The following C22orf23 variants were observed in gnomAD, a reference collection of about 807,000 sequenced individuals.
C22orf23 encodes the protein chromosome 22 open reading frame 23, also known as UPF0193 protein EVG1.
In C22orf23, 30 loss-of-function variants were observed where a neutral mutation model predicts 29.7. That is an observed-to-expected ratio of 1.01 (90% CI 0.76 to 1.37). The LOEUF (loss-of-function observed/expected upper bound fraction) is 1.37, where lower values mean the gene tolerates loss of function less well. Ranked by LOEUF, C22orf23 falls within the 40% of genes most tolerant of loss-of-function variation. C22orf23 has a pLI of 0.00. For missense variants in C22orf23, 237 were observed against 273.1 expected, an observed-to-expected ratio of 0.87 and a Z score of 0.93; for synonymous variants, 90 against 96.1, an observed-to-expected ratio of 0.94 and a Z score of 0.37.
At chr22:37,950,887 C>CAG (rs1176080734) in intron 3 of C22orf23, 3 of 152,280 alleles carry the variant, frequency 2.0e-5, no homozygotes, top group Middle Eastern at 3.4e-3. Flanking sequence ...GCCTGGGCGA[C>CAG]AGAGAGAGAG....
chr22:37,945,304 T>C, intron 4 of C22orf23, 131 bp from the exon 5 acceptor site: 2 of 1,082,328 alleles, frequency 1.8e-6, no homozygotes, highest in South Asian at 1.6e-5. Flanking sequence ...CACCTGCTGC[T>C]ACCCTGGGTT....
At chr22:37,949,290 T>TG (rs997998725) in intron 3 of C22orf23, among the ~76,000 whole-genome samples, 1 of 150,570 alleles carries the variant, frequency 6.6e-6, no homozygotes, top group African/African-American at 2.4e-5. Context: ...CATTGTTTTT[T>TG]TTTTTTTTTT....
chr22:37,947,230 T>C lies in C22orf23; in HGVS notation c.349+51A>G, dbSNP rs147226647. On this transcript the variant is annotated intron_variant, in intron 4 of 6. Transcript: ENST00000403305. ...GTGGGCTGCTTGCGTCCCTCTCCCT[T>C]GTCCTCCCCCAGGGAGATGGAGAAA... is the stretch of plus-strand genomic sequence containing the variant. 6.7e-5 allele frequency: 106 copies of C among 1,593,722 alleles called. 2 individuals carry two copies. The African/African-American group carries it at 1.2e-3, about 18-fold the overall frequency.
In C22orf23 at chr22:37,944,458, C is replaced by G; in HGVS notation, c.541G>C (p.Gly181Arg). The G allele has an allele frequency of 6.2e-7, 1 of 1,614,164 alleles. No individual in the cohort carries two copies. The highest frequency in any genetic ancestry group is 8.5e-7 in the Non-Finnish European group (1 of 1,180,044). The stretch of plus-strand genomic sequence containing the variant: ...AGGATGATTCCTCGGTACTGTTTGC[C>G]CTGTCCCAGGGCCTCCATGTCAGCC... ...FLADMEALGQ[G>R]KQYRGIILAE... The change falls in exon 6 of 7, where the codon GGC becomes CGC. Residue 181 changes from glycine (G) to arginine (R), a missense_variant. By Grantham distance (125) the Gly-to-Arg change is moderately radical. Coordinates refer to ENST00000403305, the MANE Select transcript of C22orf23 (RefSeq NM_032561.5).
intron 1 of C22orf23, 68 bp from the exon 2 acceptor site, chr22:37,953,226 A>G: frequency 9.0e-7 from 1 of 1,115,822 alleles, no homozygotes; most frequent in East Asian, 2.4e-5. Context: ...CCCGACGCCC[A>G]ACACCCCCAG....
At chr22:37,945,381 G>A (rs1930635978) in intron 4 of C22orf23, among the ~76,000 whole-genome samples, 1 of 152,082 alleles carries the variant, frequency 6.6e-6, no homozygotes, top group South Asian at 2.1e-4. Context: ...AAAGAGTTTG[G>A]GTATGGTCTG....
rs1931165713 is a variant in C22orf23, at chr22:37,953,075, G to C, written c.75C>G (p.Tyr25Ter). The change falls in exon 2 of 7, where the codon TAC becomes TAG. Residue 25 changes from tyrosine (Y) to a stop codon, truncating the protein, a stop_gained. Coordinates refer to ENST00000403305, the MANE Select transcript of C22orf23 (RefSeq NM_032561.5). LOFTEE classifies it high-confidence loss of function. ...TGAGCAGCTCGCAGGTCCCCGGGGT[G>C]TAAGTGATGGTCTTGGGGCGGCGCC... ...GFRRRPKTIT[Y>*]TPGTCELLRV... 6.2e-7 allele frequency: 1 copy of C among 1,613,854 alleles called. No individual in the cohort carries two copies. The highest frequency in any genetic ancestry group is 1.1e-5 in the South Asian group (1 of 91,070).
At chr22:37,950,476 G>A (rs193203370) in intron 3 of C22orf23, among the ~76,000 whole-genome samples, 21 of 151,094 alleles carry the variant, frequency 1.4e-4, no homozygotes, top group Non-Finnish European at 2.2e-4. Flanking sequence ...GGCTCCACTC[G>A]GTCGCCCAGG....
intron 5 of C22orf23, 107 bp downstream of exon 5, chr22:37,944,935 C>T (rs1253203223): frequency 9.2e-6 from 10 of 1,083,348 alleles, no homozygotes; most frequent in Non-Finnish European, 1.3e-6. Flanking sequence ...GTGTTTCTCA[C>T]TTGTTGGCCC....
intron 4 of C22orf23, 116 bp from the exon 5 acceptor site, chr22:37,945,289 C>A: frequency 8.0e-7 from 1 of 1,250,680 alleles, no homozygotes; most frequent in Non-Finnish European, 1.1e-6. Flanking sequence ...GACAGGGCTT[C>A]CGTACACCTG....
At chr22:37,945,243 A>G in intron 4 of C22orf23, 70 bp from the exon 5 acceptor site, 1 of 1,550,866 alleles carries the variant, frequency 6.4e-7, no homozygotes. Flanking sequence ...TGTGTTCCCA[A>G]GTGCACGTGC....
chr22:37,947,209 G>T, intron 4 of C22orf23, 72 bp downstream of exon 4: 1 of 1,527,006 alleles, frequency 6.5e-7, no homozygotes, highest in Non-Finnish European at 9.0e-7. Context: ...TGCCCTGTGG[G>T]CTGCTTGCGT....
At chr22:37,944,634 C>T in intron 5 of C22orf23, 117 bp from the exon 6 acceptor site, 2 of 872,720 alleles carry the variant, frequency 2.3e-6, no homozygotes, top group Non-Finnish European at 3.5e-6. Flanking sequence ...GGCGCGGTGG[C>T]TCACGCCTAT....
Position 37,944,517 on chromosome 22 carries a change from A to G in C22orf23, c.482T>C (p.Leu161Pro), listed in dbSNP as rs1601845571. 6.2e-7 allele frequency: 1 copy of G among 1,613,252 alleles called. No homozygotes were observed. Among genetic ancestry groups the G allele is most frequent in the East Asian group, 2.2e-5 (1 of 44,876 alleles). Residue 161 changes from leucine (L) to proline (P), a missense_variant and splice_region_variant, in exon 6 of 7, where the codon CTG (leucine) becomes CCG (proline). Transcript: ENST00000403305. Reference sequence around the variant, plus strand: ...TTTCCTCTCCTGGATTTCCTTCACCACTGGACAGAGGAGAGGGCTGTCAGG... The same window carrying G: ...TTTCCTCTCCTGGATTTCCTTCACCGCTGGACAGAGGAGAGGGCTGTCAGG... ...PAPELDRFEELVKEIQERKEF... is the reference protein window; with the variant it reads ...PAPELDRFEEPVKEIQERKEF...
chr22:37,953,414 C>T (rs1931196616), intron 1 of C22orf23, 34 bp downstream of exon 1: 2 of 549,500 alleles, frequency 3.6e-6, no homozygotes, highest in Non-Finnish European at 6.4e-6. Flanking sequence ...CACAACAGTA[C>T]CCACTGAGTG....
chr22:37,951,246 G>T, intron 3 of C22orf23: 1 of 488,454 alleles, frequency 2.0e-6, no homozygotes. Context: ...ATGAGGTCTT[G>T]TGGCTTGTGG....
Position 37,944,479 on chromosome 22 carries a change from C to A in C22orf23, c.520G>T (p.Asp174Tyr). 6.2e-7 allele frequency: 1 copy of A among 1,614,172 alleles called. No individual in the cohort carries two copies. The highest frequency in any genetic ancestry group is 1.3e-5 in the African/African-American group (1 of 75,066). Residue 174 changes from aspartate (D) to tyrosine (Y), a missense_variant, in exon 6 of 7, where the codon GAC becomes TAC. Transcript: ENST00000403305. ...EIQERKEFLA[D>Y]MEALGQGKQY... The stretch of plus-strand genomic sequence containing the variant: ...TTGCCCTGTCCCAGGGCCTCCATGT[C>A]AGCCAGGAATTCTTTCCTCTCCTGG...
Position 37,944,103 on chromosome 22 carries a change from AT to A in C22orf23, c.*71del, listed in dbSNP as rs1930545781. On this transcript the variant is annotated 3_prime_UTR_variant, in exon 7 of 7. Coordinates refer to ENST00000403305, the MANE Select transcript of C22orf23 (RefSeq NM_032561.5). ...GCTGGTAGGATGGGCTGGCCTGAGG[AT>A]GGCCCTGCCTGGCAGAGGAGTGGAC... 2.8e-6 allele frequency: 4 copies of A among 1,410,738 alleles called. No homozygotes were observed. Among genetic ancestry groups the A allele is most frequent in the Admixed American group, 3.3e-5 (2 of 59,720 alleles). The allele number at this position is 1,410,738 out of a possible 1,614,324, so 87.4% of individuals were successfully genotyped here.
intron 4 of C22orf23, among the ~76,000 whole-genome samples, chr22:37,946,838 C>T (rs955446352): frequency 7.4e-5 from 11 of 149,278 alleles, no homozygotes; most frequent in Non-Finnish European, 1.5e-4. Flanking sequence ...AGCACCACTG[C>T]ACTCCAACCT....
Sources: gnomAD v4.1 joint callset for allele counts (sites outside exome capture counted in the v4.1 genomes callset) on GRCh38, gnomAD v4.1.1 for gene constraint, MANE v1.5 for transcripts, NCBI Gene and HGNC (gene_info 2026-07-23, HGNC 2026-07-21) for gene names.